RAI1: variants seen among roughly 807,000 people sequenced by gnomAD.
RAI1 encodes retinoic acid induced 1.
RAI1 carries 9 observed loss-of-function variants against 123.8 expected under a neutral mutation model. The observed-to-expected ratio is 0.07, with a 90% CI of 0.04 to 0.13. The LOEUF is 0.13. RAI1 is among the 10% of genes least tolerant of loss of function. The pLI, the probability that RAI1 is intolerant of heterozygous loss-of-function variation, is 1.00. For missense variants in RAI1, 2,256 were observed against 2,545.8 expected, an observed-to-expected ratio of 0.89 and a Z score of 2.45; for synonymous variants, 1,231 against 1,127.3, an observed-to-expected ratio of 1.09 and a Z score of -1.84.
At chr17:17,729,121 A>G (rs1237543492) in intron 2 of RAI1, among the ~76,000 whole-genome samples, 1 of 152,100 alleles carries the variant, frequency 6.6e-6, no homozygotes, top group Non-Finnish European at 1.5e-5. Flanking sequence ...CTCCTCCCCA[A>G]CACTGGCTCA....
At chr17:17,762,609 C>T (rs765491270) in intron 2 of RAI1, among the ~76,000 whole-genome samples, 1 of 152,204 alleles carries the variant, frequency 6.6e-6, no homozygotes, top group Non-Finnish European at 1.5e-5. Context: ...TCTGTGGCAA[C>T]ACAGAGGAAA....
At chr17:17,770,549 G>A (rs983137584) in intron 2 of RAI1, among the ~76,000 whole-genome samples, 2 of 148,160 alleles carry the variant, frequency 1.3e-5, no homozygotes, top group East Asian at 2.1e-4. Flanking sequence ...GGCCCCAGTC[G>A]CACACTGACC....
Position 17,709,483 on chromosome 17 carries a change from C to T in RAI1, c.-148-14545C>T, listed in dbSNP as rs192970142. Reference sequence around the variant, plus strand: ...TGCCTCGGCCTCCCTGCTGGGTTGACCACAGTCAGTCCTGGCTGGAAGCTG... The same window carrying T: ...TGCCTCGGCCTCCCTGCTGGGTTGATCACAGTCAGTCCTGGCTGGAAGCTG... On this transcript the variant is annotated intron_variant, in intron 1 of 5. Coordinates refer to ENST00000353383, the MANE Select transcript of RAI1 (RefSeq NM_030665.4). Among the ~76,000 whole-genome samples, 3 of 152,306 alleles carry T rather than the reference C, an allele frequency of 2.0e-5. No individual in the cohort carries two copies. In the East Asian group the frequency reaches 5.8e-4, roughly 29 times the overall value.
chr17:17,694,941 G>T (rs1236508594), intron 1 of RAI1, among the ~76,000 whole-genome samples: 2 of 152,150 alleles, frequency 1.3e-5, no homozygotes, highest in Non-Finnish European at 2.9e-5. Context: ...ACCGGGCCAG[G>T]CGGCGCGCAT....
intron 1 of RAI1, among the ~76,000 whole-genome samples, chr17:17,706,777 A>G (rs1915408282): frequency 6.6e-6 from 1 of 152,146 alleles, no homozygotes; most frequent in Non-Finnish European, 1.5e-5. Context: ...GGAAGCACAC[A>G]TTTCTTCTCT....
chr17:17,809,848 C>A lies in RAI1; in HGVS notation c.5710-122C>A. On this transcript the variant is annotated intron_variant, in intron 5 of 5. Transcript: ENST00000353383. The surrounding 1 kb of genome is among the most constrained non-coding windows in gnomAD (Gnocchi z 4.9). Reference sequence around the variant, plus strand: ...GGTGCCGACGGCCTCGGGCGGAGACCCCAGCCGCGCTCTGGGGTCGCCTGG... The same window carrying A: ...GGTGCCGACGGCCTCGGGCGGAGACACCAGCCGCGCTCTGGGGTCGCCTGG... The A allele has an allele frequency of 7.0e-7, 1 of 1,431,288 alleles. No individual in the cohort carries two copies. The highest frequency in any genetic ancestry group is 9.6e-7 in the Non-Finnish European group (1 of 1,044,974). 88.7% of individuals were successfully genotyped at this position (1,431,288 alleles called of 1,614,324 possible). A position where few individuals can be genotyped will look rare whatever the true frequency, so the allele number is the denominator to read the frequency against.
chr17:17,704,315 TTTCTCAGCAGA>T (rs1357494653), intron 1 of RAI1, among the ~76,000 whole-genome samples: 6 of 152,230 alleles, frequency 3.9e-5, no homozygotes, highest in Non-Finnish European at 7.3e-5. Flanking sequence ...GGCCTGTCTC[TTTCTCAGCAGA>T]ATCTGGGACT....
chr17:17,691,706 G>C (rs188211458), intron 1 of RAI1, among the ~76,000 whole-genome samples: 5 of 152,266 alleles, frequency 3.3e-5, no homozygotes, highest in Non-Finnish European at 5.9e-5. Flanking sequence ...GAGGTGGGGA[G>C]AAGGCAAAAG....
chr17:17,790,881 G>A (rs143874166), intron 2 of RAI1, among the ~76,000 whole-genome samples: 244 of 152,298 alleles, frequency 1.6e-3, no homozygotes, highest in African/African-American at 5.7e-3. Context: ...GGGCAGGAGC[G>A]TGAGGCTGCC....
chr17:17,705,146 T>TTCA (rs564342612), intron 1 of RAI1, among the ~76,000 whole-genome samples: 62 of 152,196 alleles, frequency 4.1e-4, no homozygotes, highest in Non-Finnish European at 6.8e-4. Context: ...TGACTGATTC[T>TTCA]TCATCATCAT....
intron 2 of RAI1, among the ~76,000 whole-genome samples, chr17:17,775,203 T>TA (rs2031295318): frequency 7.9e-6 from 1 of 126,578 alleles, no homozygotes; most frequent in African/African-American, 3.7e-5. Flanking sequence ...CATGTGTAAT[T>TA]TTTTTTTTTT....
chr17:17,806,948 C>T (rs1403375322), intron 4 of RAI1, among the ~76,000 whole-genome samples: 1 of 152,098 alleles, frequency 6.6e-6, no homozygotes, highest in Non-Finnish European at 1.5e-5. Context: ...CACGGCAGTT[C>T]CCTTTGGCCA....
chr17:17,756,552 T>C (rs1324646737), intron 2 of RAI1, among the ~76,000 whole-genome samples: 1 of 152,238 alleles, frequency 6.6e-6, no homozygotes, highest in Non-Finnish European at 1.5e-5. Flanking sequence ...TGCTTTCCAC[T>C]GTCTTGTTCT....
Position 17,797,939 on chromosome 17 carries a change from T to TGCCCCTCTCCTC in RAI1, c.4992_5003dup (p.Pro1665_Ser1668dup). On this transcript the variant is annotated inframe_insertion, in exon 3 of 6. Coordinates refer to ENST00000353383, the MANE Select transcript of RAI1 (RefSeq NM_030665.4). ...TCCATCCTGCAGCCGCGGCCCTCCT[T>TGCCCCTCTCCTC]GCCCCTCTCCTCCACGATGCACTTG... 6.2e-7 allele frequency: 1 copy of TGCCCCTCTCCTC among 1,613,972 alleles called. No homozygotes were observed. Among genetic ancestry groups the TGCCCCTCTCCTC allele is most frequent in the African/African-American group, 1.3e-5 (1 of 74,982 alleles).
chr17:17,690,356 C>T (rs1914794147), intron 1 of RAI1, among the ~76,000 whole-genome samples: 1 of 150,510 alleles, frequency 6.6e-6, no homozygotes, highest in Admixed American at 6.6e-5. Context: ...TACCACTGTA[C>T]TCCAGCCTGG....
At chr17:17,755,848 C>T (rs923301658) in intron 2 of RAI1, among the ~76,000 whole-genome samples, 15 of 152,212 alleles carry the variant, frequency 9.9e-5, no homozygotes, top group African/African-American at 9.6e-5. Context: ...CAAGGCCTGC[C>T]GTGCCTCACA....
At chr17:17,790,301 C>T (rs1221659355) in intron 2 of RAI1, among the ~76,000 whole-genome samples, 3 of 152,244 alleles carry the variant, frequency 2.0e-5, no homozygotes, top group Admixed American at 6.5e-5. Flanking sequence ...CCATCCCTCC[C>T]TTTGCCTTGG....
At chr17:17,785,264 G>C (rs1012371945) in intron 2 of RAI1, among the ~76,000 whole-genome samples, 20 of 152,180 alleles carry the variant, frequency 1.3e-4, no homozygotes, top group African/African-American at 4.6e-4. Flanking sequence ...CTGGCCTCCA[G>C]GCCCCTCATC....
intron 1 of RAI1, among the ~76,000 whole-genome samples, chr17:17,686,367 C>T (rs933194811): frequency 1.3e-5 from 2 of 151,942 alleles, no homozygotes; most frequent in African/African-American, 2.4e-5. Flanking sequence ...AGGCTGCTTC[C>T]TGAGGGGGCT....
Sources: allele counts gnomAD v4.1 joint callset (sites outside exome capture counted in the v4.1 genomes callset), GRCh38; gene constraint gnomAD v4.1.1; non-coding constraint Gnocchi (gnomAD v3.1); transcripts MANE v1.5; gene names NCBI Gene and HGNC (gene_info 2026-07-23, HGNC 2026-07-21).